Variants in RBBP5 observed in about 807,000 individuals in gnomAD.
The protein encoded by RBBP5 is retinoblastoma-binding protein 5.
In RBBP5, 5 loss-of-function variants were observed where a neutral mutation model predicts 72.2. The ratio of observed to expected loss-of-function variants is 0.07; its 90% CI spans 0.04 to 0.15. The LOEUF (loss-of-function observed/expected upper bound fraction) is 0.15. RBBP5 is among the 10% of genes least tolerant of loss of function. The probability of loss-of-function intolerance (pLI) is 1.00; values close to 1 mark genes in which losing one functional copy is unlikely to be tolerated. For missense variants in RBBP5, 322 were observed against 652.2 expected (o/e 0.49, Z 5.51); for synonymous variants, 209 against 237.2 (o/e 0.88, Z 1.09).
At chr1:205,115,322 T>G (rs1269601826) in intron 2 of RBBP5, among the ~76,000 whole-genome samples, 4 of 151,770 alleles carry the variant, frequency 2.6e-5, no homozygotes, top group African/African-American at 7.3e-5. Context: ...CAAAAAGAAT[T>G]TAAACAAAAA....
chr1:205,119,686 T>C lies in RBBP5; in HGVS notation c.19+2169A>G, dbSNP rs76575722. On this transcript the variant is annotated intron_variant, in intron 1 of 13. Coordinates refer to ENST00000264515, the MANE Select transcript of RBBP5 (RefSeq NM_005057.4). ...CAGCCCTCAGACTCAACTGCTCTGA[T>C]TGGCTTCTATGAAGACGCCACACCA... Among the ~76,000 whole-genome samples the C allele has an allele frequency of 7.6e-3, 1,163 of 152,308 alleles. 14 individuals carry two copies. The highest frequency in any genetic ancestry group is 0.026 in the African/African-American group (1,088 of 41,564).
chr1:205,086,710 C>T lies in RBBP5; in HGVS notation c.*2077G>A, dbSNP rs538755490. ...CATAAATAATTATTAGGAGCTACTG[C>T]CAGAGACAATCTGACAGGGCTGAAG... On this transcript the variant is annotated 3_prime_UTR_variant, in exon 14 of 14. Coordinates refer to ENST00000264515, the MANE Select transcript of RBBP5 (RefSeq NM_005057.4). 3.3e-5 allele frequency: 5 copies of T among 152,166 alleles called. No individual in the cohort carries two copies. Among genetic ancestry groups the T allele is most frequent in the Admixed American group, 1.3e-4 (2 of 15,290 alleles). 9.4% of individuals were successfully genotyped at this position (152,166 alleles called of 1,614,324 possible).
Position 205,117,800 on chromosome 1 carries a change from A to C in RBBP5, c.20-1917T>G, listed in dbSNP as rs192838714. Among the ~76,000 whole-genome samples the C allele has an allele frequency of 5.5e-4, 84 of 152,040 alleles. No individual in the cohort carries two copies. The Middle Eastern group carries it at 0.017, about 31-fold the overall frequency. ...AGGCTTTTTTTCTGTATCTGTACAT[A>C]TATATATATCCATATATATATTTAT... is the stretch of plus-strand genomic sequence containing the variant. On this transcript the variant is annotated intron_variant, in intron 1 of 13. Transcript: ENST00000264515.
intron 3 of RBBP5, among the ~76,000 whole-genome samples, chr1:205,112,826 T>C (rs1656369937): frequency 1.3e-5 from 2 of 152,040 alleles, no homozygotes; most frequent in African/African-American, 4.8e-5. Flanking sequence ...CTTTAAAAAA[T>C]CATATCTAGA....
chr1:205,115,134 T>C (rs1656471199), intron 2 of RBBP5, among the ~76,000 whole-genome samples, 173 bp from the exon 3 acceptor site: 1 of 152,198 alleles, frequency 6.6e-6, no homozygotes, highest in Non-Finnish European at 1.5e-5. Context: ...TGAAGGAACA[T>C]TTATTAAAGC....
At chr1:205,089,803 C>A (rs1362578439) in intron 13 of RBBP5, among the ~76,000 whole-genome samples, 1 of 152,080 alleles carries the variant, frequency 6.6e-6, no homozygotes, top group Non-Finnish European at 1.5e-5. Flanking sequence ...TCAGATCTCT[C>A]TCAACATAAA....
Position 205,114,820 on chromosome 1 carries a change from T to C in RBBP5, c.187A>G (p.Ser63Gly). The C allele has an allele frequency of 6.4e-7, 1 of 1,552,788 alleles. No individual in the cohort carries two copies. The highest frequency in any genetic ancestry group is 1.2e-5 in the South Asian group (1 of 84,220). Reference protein sequence around the residue: ...FLTRGIAKIISAHIHPVCSLC... With the variant: ...FLTRGIAKIIGAHIHPVCSLC... ...GAACACACTGGATGGATGTGTGCAC[T>C]AATTATTTTAGCAATGCCTCTTGTC... The change falls in exon 3 of 14, where the codon AGT (serine) becomes GGT (glycine). Residue 63 changes from serine (S) to glycine (G), a missense_variant. By Grantham distance (56) the Ser-to-Gly change is moderately conservative. Transcript: ENST00000264515.
At chr1:205,095,466 G>A (rs532256783) in intron 12 of RBBP5, among the ~76,000 whole-genome samples, 2 of 152,230 alleles carry the variant, frequency 1.3e-5, no homozygotes, top group Admixed American at 6.5e-5. Context: ...TGTGGCCCAG[G>A]GAAGTCAAAG....
chr1:205,101,728 G>C lies in RBBP5; in HGVS notation c.523-19C>G. On this transcript the variant is annotated intron_variant, in intron 5 of 13. Transcript: ENST00000264515. ...CCAAAATCTAAAGTTTAAAGGAGGG[G>C]GGAAAAAAGTAAGTGTTCCAATAAC... 5 of 1,544,360 alleles carry C rather than the reference G, an allele frequency of 3.2e-6. No individual in the cohort carries two copies. The highest frequency in any genetic ancestry group is 4.5e-6 in the Non-Finnish European group (5 of 1,121,708).
intron 10 of RBBP5, 34 bp from the exon 11 acceptor site, chr1:205,097,429 G>A: frequency 6.5e-7 from 1 of 1,547,274 alleles, no homozygotes; most frequent in Non-Finnish European, 8.7e-7. Flanking sequence ...TGTTTGAGAA[G>A]AAGTGAAAAA....
Position 205,105,172 on chromosome 1 carries a change from A to G in RBBP5, c.219-4T>C. The stretch of plus-strand genomic sequence containing the variant: ...TTTATGACCATCTCGGCTCCAGCTG[A>G]GGAAAAAAAAGGGGTAATTTAGCAC... On this transcript the variant is annotated splice_polypyrimidine_tract_variant and splice_region_variant and intron_variant, in intron 3 of 13. Coordinates refer to ENST00000264515, the MANE Select transcript of RBBP5 (RefSeq NM_005057.4). The G allele has an allele frequency of 6.2e-7, 1 of 1,607,026 alleles. No homozygotes were observed. The highest frequency in any genetic ancestry group is 8.5e-7 in the Non-Finnish European group (1 of 1,177,074).
At chr1:205,110,448 ATGCTC>A (rs1449572220) in intron 3 of RBBP5, among the ~76,000 whole-genome samples, 4 of 152,310 alleles carry the variant, frequency 2.6e-5, no homozygotes, top group Admixed American at 1.3e-4. Context: ...GTTCCCTAAT[ATGCTC>A]AAATAAGGAA....
intron 12 of RBBP5, 144 bp from the exon 13 acceptor site, chr1:205,095,208 G>C (rs1655563608): frequency 1.3e-6 from 1 of 789,548 alleles, no homozygotes; most frequent in African/African-American, 1.8e-5. Context: ...ATTTCTATAA[G>C]TATAAAACAG....
Position 205,099,062 on chromosome 1 carries a change from T to C in RBBP5, c.1023A>G (p.Glu341=). 1 of 1,611,974 alleles carries C rather than the reference T, an allele frequency of 6.2e-7. No homozygotes were observed. The highest frequency in any genetic ancestry group is 8.5e-7 in the Non-Finnish European group (1 of 1,179,332). ...AFAPDFKELD[E]NVEYEERESE... is the part of the protein sequence containing the mutation. ...ATTCCCTTTCTTCGTATTCTACATT[T>C]TCATCCAATTCTTTGAAGTCTGGTG... The change falls in exon 10 of 14, where the codon GAA becomes GAG. Residue 341 remains glutamate (E), a synonymous_variant. Coordinates refer to ENST00000264515, the MANE Select transcript of RBBP5 (RefSeq NM_005057.4). The surrounding 1 kb of genome is among the most constrained non-coding windows in gnomAD (Gnocchi z 4.7).
intron 3 of RBBP5, among the ~76,000 whole-genome samples, chr1:205,109,086 T>C (rs1656198344): frequency 6.6e-6 from 1 of 152,160 alleles, no homozygotes; most frequent in African/African-American, 2.4e-5. Context: ...AGTTAAAGCC[T>C]GCACACAAAA....
intron 4 of RBBP5, 147 bp downstream of exon 4, chr1:205,104,881 C>A: frequency 1.1e-6 from 1 of 909,024 alleles, no homozygotes; most frequent in Non-Finnish European, 1.6e-6. Context: ...TCAGTAGAGC[C>A]AACCTAGATG....
In RBBP5 at chr1:205,088,515, A is replaced by G. The variant is rs1655214004; in HGVS notation, c.*272T>C. On this transcript the variant is annotated 3_prime_UTR_variant, in exon 14 of 14. Transcript: ENST00000264515. ...TCTCCAGCAACATAACTAAGCATCA[A>G]AGTTTAAATGAGTCAAAATTCCTAT... is the stretch of plus-strand genomic sequence containing the variant. 1 of 432,226 alleles carries G rather than the reference A, an allele frequency of 2.3e-6. No individual in the cohort carries two copies. The allele number at this position is 432,226 out of a possible 1,614,324, so 26.8% of individuals were successfully genotyped here. A position where few individuals can be genotyped will look rare whatever the true frequency, so the allele number is the denominator to read the frequency against.
chr1:205,115,822 T>C, intron 2 of RBBP5, 36 bp downstream of exon 2: 1 of 1,558,362 alleles, frequency 6.4e-7, no homozygotes, highest in Non-Finnish European at 8.6e-7. Context: ...CAGAAGTTAC[T>C]ATGTTCCTAA....
intron 5 of RBBP5, 22 bp from the exon 6 acceptor site, chr1:205,101,731 A>G (rs751261680): frequency 1.5e-5 from 23 of 1,528,278 alleles, no homozygotes; most frequent in South Asian, 8.0e-5. Flanking sequence ...AGGAGGGGGG[A>G]AAAAAGTAAG....
Sources: allele counts gnomAD v4.1 joint callset (sites outside exome capture counted in the v4.1 genomes callset), GRCh38; gene constraint gnomAD v4.1.1; non-coding constraint Gnocchi (gnomAD v3.1); transcripts MANE v1.5; gene names NCBI Gene and HGNC (gene_info 2026-07-23, HGNC 2026-07-21).